BTAF1: variants seen among roughly 807,000 people sequenced by gnomAD.
BTAF1 encodes TATA-binding protein-associated factor 172.
A neutral mutation model predicts 227.1 loss-of-function variants in BTAF1; 38 were observed. The ratio of observed to expected loss-of-function variants is 0.17; its 90% CI spans 0.13 to 0.22. The LOEUF is 0.22. Among genes scored for constraint, BTAF1 ranks in the 10% least tolerant of loss-of-function variants. BTAF1 has a pLI of 1.00. For missense variants in BTAF1, 1,598 were observed against 2,204.0 expected, an observed-to-expected ratio of 0.73 and a Z score of 5.51; for synonymous variants, 742 against 751.9, an observed-to-expected ratio of 0.99 and a Z score of 0.21.
At chr10:91,956,267 T>C (rs562983268) in intron 6 of BTAF1, among the ~76,000 whole-genome samples, 2 of 152,282 alleles carry the variant, frequency 1.3e-5, no homozygotes, top group Non-Finnish European at 2.9e-5. Flanking sequence ...GCCTATTAAA[T>C]TCAAGATCCA....
At chr10:91,931,099 T>C (rs1844248430) in intron 1 of BTAF1, among the ~76,000 whole-genome samples, 1 of 152,364 alleles carries the variant, frequency 6.6e-6, no homozygotes, top group Non-Finnish European at 1.5e-5. Flanking sequence ...TTTATTTTTA[T>C]GGCTTTACTG....
intron 14 of BTAF1, among the ~76,000 whole-genome samples, chr10:91,976,511 G>T (rs1200881555): frequency 6.6e-6 from 1 of 152,054 alleles, no homozygotes; most frequent in African/African-American, 2.4e-5. Context: ...AGCTATCTTG[G>T]GGCCTCCCAA....
At chr10:91,984,652 T>G (rs1848279173) in intron 19 of BTAF1, among the ~76,000 whole-genome samples, 1 of 152,178 alleles carries the variant, frequency 6.6e-6, no homozygotes, top group Admixed American at 6.5e-5. Flanking sequence ...GAAAAAGCTA[T>G]TATATTTTGT....
chr10:92,025,810 CAA>C (rs71025383), intron 35 of BTAF1, among the ~76,000 whole-genome samples: 1,093 of 86,882 alleles, frequency 0.013, 5 homozygotes, highest in Non-Finnish European at 0.016. Context: ...GACTCTGTCT[CAA>C]AAAAAAAAAA....
At chr10:91,938,756 G>A (rs1425989046) in intron 2 of BTAF1, among the ~76,000 whole-genome samples, 1 of 152,172 alleles carries the variant, frequency 6.6e-6, no homozygotes, top group Non-Finnish European at 1.5e-5. Context: ...ACTGAGACAG[G>A]AGAATTGTCT....
intron 2 of BTAF1, among the ~76,000 whole-genome samples, chr10:91,938,481 T>C (rs1844781067): frequency 6.6e-6 from 1 of 152,240 alleles, no homozygotes; most frequent in Non-Finnish European, 1.5e-5. Flanking sequence ...TTCTTTTACA[T>C]GTGGCTTTCC....
intron 25 of BTAF1, among the ~76,000 whole-genome samples, chr10:91,999,583 G>A (rs1041264633): frequency 6.6e-6 from 1 of 152,116 alleles, no homozygotes; most frequent in Non-Finnish European, 1.5e-5. Context: ...TAGTAGAGAC[G>A]GGATTTCTCC....
At chr10:92,011,210 T>A in intron 29 of BTAF1, 60 bp downstream of exon 29, 1 of 1,517,546 alleles carries the variant, frequency 6.6e-7, no homozygotes, top group Non-Finnish European at 8.9e-7. Flanking sequence ...CTTAATATTT[T>A]CCCACTTTAA....
chr10:91,945,312 A>C (rs543555931), intron 4 of BTAF1, among the ~76,000 whole-genome samples: 1 of 152,308 alleles, frequency 6.6e-6, no homozygotes, highest in African/African-American at 2.4e-5. Context: ...TATATATAAC[A>C]AAAAATTTAC....
chr10:91,952,044 T>G (rs1447550707), intron 5 of BTAF1, among the ~76,000 whole-genome samples: 1 of 151,906 alleles, frequency 6.6e-6, no homozygotes, highest in Non-Finnish European at 1.5e-5. Context: ...GACACAGACA[T>G]TTCCATGCCC....
At chr10:91,961,916 A>G (rs1377239406) in intron 11 of BTAF1, among the ~76,000 whole-genome samples, 1 of 152,104 alleles carries the variant, frequency 6.6e-6, no homozygotes, top group East Asian at 1.9e-4. Flanking sequence ...GGAGGCTAGG[A>G]TTCTGGCAGA....
chr10:91,939,969 G>A lies in BTAF1; in HGVS notation c.156G>A (p.Arg52=). 6.2e-7 allele frequency: 1 copy of A among 1,611,030 alleles called. No individual in the cohort carries two copies. The highest frequency in any genetic ancestry group is 8.5e-7 in the Non-Finnish European group (1 of 1,177,820). The part of the protein sequence containing the change: ...NLLSKVLIYL[R]SANWDTRIAA... ...TTTTTAAGGTGTTGATATATTTAAGGAGTGCAAATTGGGATACCCGGATTG... is the reference window on the plus strand; with the variant it reads ...TTTTTAAGGTGTTGATATATTTAAGAAGTGCAAATTGGGATACCCGGATTG... The change falls in exon 3 of 38, where the codon AGG becomes AGA. Residue 52 remains arginine, a synonymous_variant. Transcript: ENST00000265990.
chr10:92,016,317 C>T (rs777131255), intron 32 of BTAF1, 23 bp from the exon 33 acceptor site: 7 of 1,578,190 alleles, frequency 4.4e-6, no homozygotes, highest in Admixed American at 2.0e-5. Context: ...CTTAAAGCTT[C>T]TCCCACGGGG....
In BTAF1 at chr10:91,951,502, A is replaced by C; in HGVS notation, c.500A>C (p.Glu167Ala). 1 of 1,611,594 alleles carries C rather than the reference A, an allele frequency of 6.2e-7. No individual in the cohort carries two copies. The change falls in exon 5 of 38, where the codon GAA becomes GCA. Residue 167 changes from glutamate (E) to alanine (A), a missense_variant. Transcript: ENST00000265990. Reference sequence around the variant, plus strand: ...GAAGCAATTGGAATGAGTACTGAAGAACTTTTCAATGATGAGGATTTGGAT... The same window carrying C: ...GAAGCAATTGGAATGAGTACTGAAGCACTTTTCAATGATGAGGATTTGGAT... Reference protein sequence around the residue: ...MGEAIGMSTEELFNDEDLDYT... With the variant: ...MGEAIGMSTEALFNDEDLDYT...
At chr10:91,945,256 T>C (rs993794633) in intron 4 of BTAF1, among the ~76,000 whole-genome samples, 7 of 152,184 alleles carry the variant, frequency 4.6e-5, no homozygotes, top group African/African-American at 1.7e-4. Context: ...TTTCTAAATT[T>C]TATTACTGTT....
chr10:92,013,031 A>T (rs1009465238), intron 30 of BTAF1, among the ~76,000 whole-genome samples: 2 of 152,176 alleles, frequency 1.3e-5, no homozygotes, highest in Non-Finnish European at 2.9e-5. Context: ...AGAGGCCCTG[A>T]GTAGGATTAG....
intron 4 of BTAF1, among the ~76,000 whole-genome samples, chr10:91,943,922 G>A (rs1043799970): frequency 2.0e-5 from 3 of 152,190 alleles, no homozygotes; most frequent in African/African-American, 7.2e-5. Context: ...AGGACGAGAC[G>A]GGCAGTTCAC....
At chr10:91,927,685 T>G (rs890330828) in intron 1 of BTAF1, among the ~76,000 whole-genome samples, 4 of 152,146 alleles carry the variant, frequency 2.6e-5, no homozygotes, top group African/African-American at 9.7e-5. Flanking sequence ...CCATATGAGT[T>G]GCCTCATAAA....
intron 30 of BTAF1, 91 bp from the exon 31 acceptor site, chr10:92,013,576 T>C: frequency 6.7e-7 from 1 of 1,484,294 alleles, no homozygotes. Flanking sequence ...CTCATCTATA[T>C]GATTATAATA....
Sources: allele counts gnomAD v4.1 joint callset (sites outside exome capture counted in the v4.1 genomes callset), GRCh38; gene constraint gnomAD v4.1.1; transcripts MANE v1.5; gene names NCBI Gene and HGNC (gene_info 2026-07-23, HGNC 2026-07-21).